FGF12: variants seen among roughly 807,000 people sequenced by gnomAD.
FGF12 encodes fibroblast growth factor 12B.
Under a neutral mutation model 23.6 loss-of-function variants are expected in FGF12, and 14 were observed. The ratio of observed to expected loss-of-function variants is 0.59; its 90% CI spans 0.39 to 0.93. The LOEUF is 0.93. Ranked by LOEUF, FGF12 falls within the 40% of genes least tolerant of loss-of-function variation. The pLI, the probability that FGF12 is intolerant of heterozygous loss-of-function variation, is 0.00. For missense variants in FGF12, 175 were observed against 217.8 expected (o/e 0.80, Z 1.24); for synonymous variants, 62 against 77.3 (o/e 0.80, Z 1.04).
chr3:192,695,555 T>C (rs549542169), intron 2 of FGF12, among the ~76,000 whole-genome samples: 4 of 152,248 alleles, frequency 2.6e-5, no homozygotes, highest in Non-Finnish European at 4.4e-5. Flanking sequence ...AAATGTCTTA[T>C]GTCAGTTTTT....
At chr3:192,283,375 T>C (rs1714265074) in intron 4 of FGF12, among the ~76,000 whole-genome samples, 1 of 152,122 alleles carries the variant, frequency 6.6e-6, no homozygotes, top group Admixed American at 6.6e-5. Context: ...TCTTTAATAA[T>C]TTTTTGACAT....
intron 3 of FGF12, among the ~76,000 whole-genome samples, chr3:192,337,379 G>A (rs1029183880): frequency 2.0e-5 from 3 of 152,064 alleles, no homozygotes; most frequent in African/African-American, 7.2e-5. Flanking sequence ...AGGTGGTTTT[G>A]CAGAGTAATG....
chr3:192,689,722 G>C (rs933596568), intron 2 of FGF12, among the ~76,000 whole-genome samples: 5 of 151,890 alleles, frequency 3.3e-5, no homozygotes, highest in Admixed American at 6.5e-5. Flanking sequence ...AGAACAGAGA[G>C]AGAAAGGGAC....
intron 2 of FGF12, among the ~76,000 whole-genome samples, chr3:192,395,851 T>A (rs1720495979): frequency 6.6e-6 from 1 of 152,136 alleles, no homozygotes; most frequent in African/African-American, 2.4e-5. Flanking sequence ...TGTCTCTGGG[T>A]AAGTGAAGGA....
At chr3:192,481,366 C>T (rs1464441051) in intron 2 of FGF12, among the ~76,000 whole-genome samples, 1 of 152,086 alleles carries the variant, frequency 6.6e-6, no homozygotes, top group Non-Finnish European at 1.5e-5. Flanking sequence ...GTATACTGGA[C>T]CCTAGTCTTT....
chr3:192,318,944 T>C (rs1248691719), intron 4 of FGF12, among the ~76,000 whole-genome samples: 1 of 152,000 alleles, frequency 6.6e-6, no homozygotes, highest in Admixed American at 6.6e-5. Flanking sequence ...TGGCATGACA[T>C]ATTTAAAGTC....
chr3:192,244,813 A>T (rs1719799788), intron 4 of FGF12: 1 of 152,204 alleles, frequency 6.6e-6, no homozygotes, highest in African/African-American at 2.4e-5. Context: ...TCATGTTGAC[A>T]GATGAACACA....
At chr3:192,436,304 G>A (rs1722022868) in intron 2 of FGF12, among the ~76,000 whole-genome samples, 1 of 152,184 alleles carries the variant, frequency 6.6e-6, no homozygotes, top group African/African-American at 2.4e-5. Context: ...TTTGCCTCTG[G>A]GATACAGTGG....
At chr3:192,189,295 A>G (rs1716654327) in intron 4 of FGF12, among the ~76,000 whole-genome samples, 1 of 152,158 alleles carries the variant, frequency 6.6e-6, no homozygotes, top group African/African-American at 2.4e-5. Flanking sequence ...AGGGAGTCAT[A>G]CCCTCTCCTG....
At chr3:192,499,257 A>G (rs888468491) in intron 2 of FGF12, among the ~76,000 whole-genome samples, 1 of 151,944 alleles carries the variant, frequency 6.6e-6, no homozygotes. Context: ...AGAGTCAAAG[A>G]GGTTAAGAAA....
intron 2 of FGF12, among the ~76,000 whole-genome samples, chr3:192,538,341 T>C (rs1442459353): frequency 6.6e-6 from 1 of 152,186 alleles, no homozygotes; most frequent in African/African-American, 2.4e-5. Flanking sequence ...CGTACAGATA[T>C]CCAGTTTTCT....
At chr3:192,491,769 T>C (rs747071565) in intron 2 of FGF12, among the ~76,000 whole-genome samples, 4 of 152,096 alleles carry the variant, frequency 2.6e-5, no homozygotes, top group Non-Finnish European at 4.4e-5. Flanking sequence ...CCTAGAAAAT[T>C]ATAATTATTG....
At chr3:192,361,452 T>C (rs1305069344) in intron 2 of FGF12, among the ~76,000 whole-genome samples, 1 of 152,064 alleles carries the variant, frequency 6.6e-6, no homozygotes, top group African/African-American at 2.4e-5. Context: ...AATTATTTCA[T>C]TAAAATGAGG....
chr3:192,474,567 A>T (rs1723263791), intron 2 of FGF12, among the ~76,000 whole-genome samples: 1 of 152,148 alleles, frequency 6.6e-6, no homozygotes, highest in Non-Finnish European at 1.5e-5. Context: ...GATGTAGTAA[A>T]CTGCAGCCAT....
intron 4 of FGF12, among the ~76,000 whole-genome samples, chr3:192,219,048 T>C (rs911789951): frequency 2.6e-5 from 4 of 152,182 alleles, no homozygotes; most frequent in African/African-American, 9.6e-5. Context: ...TTATAAAAAT[T>C]AGAAACATTT....
At chr3:192,242,771 C>T (rs1719688821) in intron 4 of FGF12, among the ~76,000 whole-genome samples, 1 of 151,874 alleles carries the variant, frequency 6.6e-6, no homozygotes, top group South Asian at 2.1e-4. Flanking sequence ...ATACACTTGG[C>T]CATATAATTT....
At chr3:192,565,684 G>A (rs59425541) in intron 2 of FGF12, among the ~76,000 whole-genome samples, 11,545 of 152,246 alleles carry the variant, frequency 0.076, 1,168 homozygotes, top group African/African-American at 0.24. Context: ...CAGCCTAGTT[G>A]TATAGTAGGC....
chr3:192,278,538 GAGA>G (rs1159191494), intron 4 of FGF12, among the ~76,000 whole-genome samples: 4 of 152,178 alleles, frequency 2.6e-5, no homozygotes, highest in Non-Finnish European at 5.9e-5. Context: ...CAAGACAGAG[GAGA>G]ATGAGTGTAT....
intron 4 of FGF12, among the ~76,000 whole-genome samples, chr3:192,306,782 G>A (rs1213772348): frequency 1.3e-5 from 2 of 152,168 alleles, no homozygotes; most frequent in Non-Finnish European, 2.9e-5. Flanking sequence ...AGGAGAGGCA[G>A]TATAAATAAG....
Sources: allele counts gnomAD v4.1 joint callset (sites outside exome capture counted in the v4.1 genomes callset), GRCh38; gene constraint gnomAD v4.1.1; transcripts MANE v1.5; gene names NCBI Gene and HGNC (gene_info 2026-07-23, HGNC 2026-07-21).